Variants in PANK1 observed in about 807,000 individuals in gnomAD.
PANK1 encodes the protein pantothenic acid kinase 1.
In PANK1, 18 loss-of-function variants were observed where a neutral mutation model predicts 40.1. The observed-to-expected ratio is 0.45, with a 90% CI of 0.31 to 0.67. The LOEUF (loss-of-function observed/expected upper bound fraction) is 0.67, where lower values mean the gene tolerates loss of function less well. PANK1 is among the 30% of genes least tolerant of loss of function. The pLI is 0.06. For missense variants in PANK1, 457 were observed against 599.6 expected (o/e 0.76, Z 2.48); for synonymous variants, 242 against 237.7 (o/e 1.02, Z -0.17).
chr10:89,590,074 G>C lies in PANK1; in HGVS notation c.1201-1297C>G, dbSNP rs866425363. On this transcript the variant is annotated intron_variant, in intron 5 of 6. Transcript: ENST00000307534. ...GAAAGAAAGAAAAGAAAAAGAGATA[G>C]GGAAAAATATGGAAGAATTGGAAAA... Among the ~76,000 whole-genome samples the C allele has an allele frequency of 4.7e-5, 7 of 149,524 alleles. 1 individual carries two copies. The South Asian group carries it at 1.1e-3, about 23-fold the overall frequency.
At position 89,583,884 on chromosome 10, in the gene PANK1, A is replaced by C. The variant is rs1157649465; in HGVS notation, c.*522T>G. On this transcript the variant is annotated 3_prime_UTR_variant, in exon 7 of 7. Coordinates refer to ENST00000307534, the MANE Select transcript of PANK1 (RefSeq NM_148977.3). ...TTCAGAAGACAACTAAAACAGAAAA[A>C]CAAGACAAAAAAGGGTACAAAACAA... 1 of 152,712 alleles carries C rather than the reference A, an allele frequency of 6.5e-6. No individual in the cohort carries two copies. Among genetic ancestry groups the C allele is most frequent in the East Asian group, 1.9e-4 (1 of 5,202 alleles). 9.5% of individuals were successfully genotyped at this position (152,712 alleles called of 1,614,324 possible). A position where few individuals can be genotyped will look rare whatever the true frequency, so the allele number is the denominator to read the frequency against.
At chr10:89,643,218 G>A (rs1842016104) in intron 1 of PANK1, among the ~76,000 whole-genome samples, 1 of 152,158 alleles carries the variant, frequency 6.6e-6, no homozygotes, top group Non-Finnish European at 1.5e-5. Context: ...AATAACTGAA[G>A]TATAGCTTCA....
downstream of PANK1, chr10:89,579,902 C>T (rs1298630266): frequency 6.6e-6 from 1 of 152,194 alleles, no homozygotes; most frequent in African/African-American, 2.4e-5. Context: ...CAATGCCTCT[C>T]AGATCATTGA....
Position 89,596,969 on chromosome 10 carries a change from C to T in PANK1, c.899+2283G>A, listed in dbSNP as rs537403749. Among the ~76,000 whole-genome samples, 13 of 152,284 alleles carry T rather than the reference C, an allele frequency of 8.5e-5. No individual in the cohort carries two copies. In the South Asian group the frequency reaches 2.7e-3, roughly 32 times the overall value. On this transcript the variant is annotated intron_variant, in intron 3 of 6. Coordinates refer to ENST00000307534, the MANE Select transcript of PANK1 (RefSeq NM_148977.3). Reference sequence around the variant, plus strand: ...TTGTGTCACTAGGAAAAAAATGTTGCTACCCAATCTGGGATGCAACAAAAT... The same window carrying T: ...TTGTGTCACTAGGAAAAAAATGTTGTTACCCAATCTGGGATGCAACAAAAT...
chr10:89,599,163 A>G, intron 3 of PANK1, 89 bp downstream of exon 3: 1 of 1,267,336 alleles, frequency 7.9e-7, no homozygotes, highest in Non-Finnish European at 1.1e-6. Context: ...TATTTCTTTT[A>G]AAAATGTATT....
rs1336748816 is a variant in PANK1, at chr10:89,621,053, GC to G, written c.293-9006del. ...GCGGTGGTTCACGCCTGTAATCCCA[GC>G]ACTTTGGGAGGCTGAGATGGGTGGA... On this transcript the variant is annotated intron_variant, in intron 1 of 6. Transcript: ENST00000307534. 3.8e-4 allele frequency among the ~76,000 whole-genome samples: 58 copies of G among 152,308 alleles called. No homozygotes were observed. In the Middle Eastern group the frequency reaches 0.014, roughly 36 times the overall value.
At chr10:89,640,321 T>C (rs1002885093) in intron 1 of PANK1, among the ~76,000 whole-genome samples, 1 of 152,112 alleles carries the variant, frequency 6.6e-6, no homozygotes, top group African/African-American at 2.4e-5. Flanking sequence ...TTTGATGTAA[T>C]TCTCTTTAAA....
downstream of PANK1, chr10:89,582,894 T>C (rs1297498207): frequency 6.6e-6 from 1 of 152,028 alleles, no homozygotes; most frequent in Non-Finnish European, 1.5e-5. Context: ...AAATGTAGAG[T>C]AGCAAAAACA....
At chr10:89,633,474 G>A (rs1372597614) in intron 1 of PANK1, among the ~76,000 whole-genome samples, 3 of 152,072 alleles carry the variant, frequency 2.0e-5, no homozygotes, top group African/African-American at 7.2e-5. Context: ...TATCTCCTTA[G>A]TCAAATGTAC....
Position 89,628,614 on chromosome 10 carries a change from A to AAT in PANK1, c.292+15984_292+15985dup, listed in dbSNP as rs532720221. Among the ~76,000 whole-genome samples the AAT allele has an allele frequency of 1.0e-3, 158 of 152,350 alleles. 1 individual carries two copies. The highest frequency in any genetic ancestry group is 3.6e-3 in the African/African-American group (149 of 41,588). ...ATTGTGATAGTTGTACAACTCTATG[A>AAT]ATACACTAAAAACCATAGAATTGCA... On this transcript the variant is annotated intron_variant, in intron 1 of 6. Coordinates refer to ENST00000307534, the MANE Select transcript of PANK1 (RefSeq NM_148977.3).
intron 2 of PANK1, among the ~76,000 whole-genome samples, chr10:89,603,303 A>T (rs1426986610): frequency 6.6e-6 from 1 of 152,128 alleles, no homozygotes; most frequent in Non-Finnish European, 1.5e-5. Context: ...TTAACCCAGT[A>T]GGTGCTGGCT....
At chr10:89,621,159 G>A (rs999997781) in intron 1 of PANK1, among the ~76,000 whole-genome samples, 1 of 152,160 alleles carries the variant, frequency 6.6e-6, no homozygotes, top group African/African-American at 2.4e-5. Flanking sequence ...AAATTAGCCT[G>A]GTGTTGTGGC....
intron 1 of PANK1, among the ~76,000 whole-genome samples, chr10:89,614,537 C>T (rs1442182017): frequency 6.6e-6 from 1 of 152,164 alleles, no homozygotes; most frequent in African/African-American, 2.4e-5. Context: ...GTGGCTCACA[C>T]CTGTAATCCT....
At position 89,645,163 on chromosome 10, in the gene PANK1, C is replaced by T. The variant is rs776539787; in HGVS notation, c.-272G>A. ...GGAATCGGGGATCCCCGCGCACCCC[C>T]AGCCGGGGCTCCCGCCGCCCGCCTT... On this transcript the variant is annotated 5_prime_UTR_variant, in exon 1 of 7. Transcript: ENST00000307534. 2 of 1,546,236 alleles carry T rather than the reference C, an allele frequency of 1.3e-6. No individual in the cohort carries two copies. Among genetic ancestry groups the T allele is most frequent in the Non-Finnish European group, 1.7e-6 (2 of 1,149,960 alleles).
chr10:89,598,942 A>C (rs1471655824), intron 3 of PANK1, among the ~76,000 whole-genome samples: 1 of 152,220 alleles, frequency 6.6e-6, no homozygotes, highest in African/African-American at 2.4e-5. Flanking sequence ...GTATCCTTCC[A>C]TCTGAATTCT....
At position 89,595,829 on chromosome 10, in the gene PANK1, AAAAAATATATATATATATAT is replaced by A. The variant is rs1233625329; in HGVS notation, c.900-1860_900-1841del. Among the ~76,000 whole-genome samples, 105 of 66,676 alleles carry A rather than the reference AAAAAATATATATATATATAT, an allele frequency of 1.6e-3. 5 individuals are homozygous for A. Among genetic ancestry groups the A allele is most frequent in the African/African-American group, 7.9e-3 (103 of 13,118 alleles). 43.7% of individuals were successfully genotyped at this position (66,676 alleles called of 152,430 possible). A position where few individuals can be genotyped will look rare whatever the true frequency, so the allele number is the denominator to read the frequency against. ...CGGACTCCATCTTAAAAAAAAAAAA[AAAAAATATATATATATATAT>A]ATATATATATATATATATATATATA... is the stretch of plus-strand genomic sequence containing the variant. On this transcript the variant is annotated intron_variant, in intron 3 of 6. Coordinates refer to ENST00000307534, the MANE Select transcript of PANK1 (RefSeq NM_148977.3).
rs2133931473 is a variant in PANK1 at position 89,593,793 on chromosome 10, C to T, written c.1076+20G>A. On this transcript the variant is annotated intron_variant, in intron 4 of 6. Coordinates refer to ENST00000307534, the MANE Select transcript of PANK1 (RefSeq NM_148977.3). ...TGCCTTGTGTTTAATCACTACTGCT[C>T]CTAGCTACTTAATCTCTACCTTGAT... The T allele has an allele frequency of 1.3e-6, 2 of 1,594,854 alleles. No individual in the cohort carries two copies. The highest frequency in any genetic ancestry group is 1.7e-6 in the Non-Finnish European group (2 of 1,162,832).
intron 6 of PANK1, among the ~76,000 whole-genome samples, chr10:89,586,152 G>A (rs1003953015): frequency 2.0e-5 from 3 of 152,108 alleles, no homozygotes; most frequent in Admixed American, 6.5e-5. Flanking sequence ...CAGTTTCCAG[G>A]CTTTGTTGTC....
chr10:89,634,877 AG>A (rs1841756812), intron 1 of PANK1, among the ~76,000 whole-genome samples: 1 of 152,198 alleles, frequency 6.6e-6, no homozygotes, highest in African/African-American at 2.4e-5. Context: ...TATGATAATC[AG>A]GTCAAGACTT....
Sources: gnomAD v4.1 joint callset for allele counts (sites outside exome capture counted in the v4.1 genomes callset) on GRCh38, gnomAD v4.1.1 for gene constraint, MANE v1.5 for transcripts, NCBI Gene and HGNC (gene_info 2026-07-23, HGNC 2026-07-21) for gene names.